PTPN9: variants seen among roughly 807,000 people sequenced by gnomAD.
The protein encoded by PTPN9 is tyrosine-protein phosphatase non-receptor type 9.
PTPN9 carries 26 observed loss-of-function variants against 69.8 expected under a neutral mutation model. The ratio of observed to expected loss-of-function variants is 0.37; its 90% CI spans 0.27 to 0.52. PTPN9 has a LOEUF of 0.52. Among genes scored for constraint, PTPN9 ranks in the 20% least tolerant of loss-of-function variants. The pLI is 0.91. For synonymous variants in PTPN9, 274 were observed against 272.5 expected (o/e 1.01, Z -0.05); for missense variants, 549 against 740.3 (o/e 0.74, Z 3.00).
At chr15:75,479,812 G>A (rs2074617792) in intron 9 of PTPN9, 36 bp downstream of exon 9, 3 of 1,521,390 alleles carry the variant, frequency 2.0e-6, no homozygotes, top group Non-Finnish European at 2.7e-6. Context: ...TAAGTAGATG[G>A]CACAAAATCA....
intron 1 of PTPN9, among the ~76,000 whole-genome samples, chr15:75,551,911 G>A (rs573546062): frequency 3.3e-5 from 5 of 151,904 alleles, no homozygotes; most frequent in African/African-American, 7.2e-5. Context: ...GGTGGTGCAC[G>A]CCTGTAGTCC....
At chr15:75,507,424 C>T (rs936544812) in intron 6 of PTPN9, among the ~76,000 whole-genome samples, 50 of 130,084 alleles carry the variant, frequency 3.8e-4, no homozygotes, top group African/African-American at 1.4e-3. Context: ...CTAGCCTCAG[C>T]GACAACAGCA....
At chr15:75,496,707 A>G (rs1595952594) in intron 7 of PTPN9, among the ~76,000 whole-genome samples, 1 of 151,900 alleles carries the variant, frequency 6.6e-6, no homozygotes, top group Non-Finnish European at 1.5e-5. Flanking sequence ...CTGTCTCTAC[A>G]TGTTGCTCAG....
chr15:75,535,352 A>G (rs951781289), intron 1 of PTPN9, among the ~76,000 whole-genome samples: 4 of 152,188 alleles, frequency 2.6e-5, no homozygotes, highest in African/African-American at 4.8e-5. Context: ...CTCTGTGGCT[A>G]TAAAGAAAAA....
intron 7 of PTPN9, among the ~76,000 whole-genome samples, chr15:75,491,092 G>A (rs1338604085): frequency 6.6e-6 from 1 of 151,104 alleles, no homozygotes; most frequent in Non-Finnish European, 1.5e-5. Flanking sequence ...CTGGGTGACG[G>A]AGAGAAACCC....
chr15:75,497,674 C>T (rs890287750), intron 7 of PTPN9, among the ~76,000 whole-genome samples: 15 of 150,982 alleles, frequency 9.9e-5, no homozygotes, highest in African/African-American at 3.2e-4. Context: ...TGGTAGCGGG[C>T]ACCTGTAATC....
At chr15:75,480,682 G>C in intron 8 of PTPN9, 1 of 1,272,808 alleles carries the variant, frequency 7.9e-7, no homozygotes, top group Non-Finnish European at 1.0e-6. Flanking sequence ...CCGCTGCCGC[G>C]ACCGACCGCA....
At chr15:75,470,889 G>A (rs566146712) in intron 10 of PTPN9, 59 bp from the exon 11 acceptor site, 4 of 1,576,646 alleles carry the variant, frequency 2.5e-6, no homozygotes, top group Admixed American at 3.7e-5. Context: ...CAGTAACCTG[G>A]CTTCCCCAAA....
intron 9 of PTPN9, among the ~76,000 whole-genome samples, chr15:75,475,450 G>C (rs916835028): frequency 6.6e-6 from 1 of 152,090 alleles, no homozygotes; most frequent in African/African-American, 2.4e-5. Context: ...ACGATGGCAG[G>C]TGCCTGTAAT....
In PTPN9 at chr15:75,546,363, G is replaced by A. The variant is rs55807501; in HGVS notation, c.64-19102C>T. Among the ~76,000 whole-genome samples the A allele has an allele frequency of 1.4e-3, 220 of 152,258 alleles. 1 individual carries two copies. Among genetic ancestry groups the A allele is most frequent in the Non-Finnish European group, 1.2e-3 (84 of 68,024 alleles). On this transcript the variant is annotated intron_variant, in intron 1 of 12. Transcript: ENST00000618819. ...TGGTGTATAGAAATAGGGAACTTCA[G>A]CCAGGCGCAGTGCCTCACGCCTGTA...
chr15:75,478,807 C>T (rs2074611573), intron 9 of PTPN9, among the ~76,000 whole-genome samples: 1 of 152,216 alleles, frequency 6.6e-6, no homozygotes, highest in Admixed American at 6.5e-5. Flanking sequence ...ACTGGTGATA[C>T]TAAGTTTGAT....
chr15:75,485,838 C>T (rs1425413428), intron 8 of PTPN9, among the ~76,000 whole-genome samples: 1 of 151,124 alleles, frequency 6.6e-6, no homozygotes, highest in Non-Finnish European at 1.5e-5. Flanking sequence ...CAGTGGCTCA[C>T]GCCTGTAATC....
At chr15:75,546,291 T>C (rs1220500394) in intron 1 of PTPN9, among the ~76,000 whole-genome samples, 1 of 151,758 alleles carries the variant, frequency 6.6e-6, no homozygotes, top group Non-Finnish European at 1.5e-5. Context: ...TAACAGAAAA[T>C]ATAGATTGTT....
chr15:75,525,684 G>A (rs909165628), intron 2 of PTPN9, among the ~76,000 whole-genome samples: 5 of 151,562 alleles, frequency 3.3e-5, no homozygotes, highest in Non-Finnish European at 5.9e-5. Flanking sequence ...TTGGGAGGCC[G>A]AGGTGCGTGG....
chr15:75,538,782 TAGTA>T (rs1385749709), intron 1 of PTPN9, among the ~76,000 whole-genome samples: 3 of 152,144 alleles, frequency 2.0e-5, no homozygotes, highest in African/African-American at 7.2e-5. Context: ...ATATGACTAT[TAGTA>T]AGCAAAAAGT....
chr15:75,486,031 T>C (rs1461219421), intron 8 of PTPN9, among the ~76,000 whole-genome samples: 1 of 130,492 alleles, frequency 7.7e-6, no homozygotes, highest in Admixed American at 8.9e-5. Context: ...ACCCGGGAGG[T>C]GGAGGTTGCA....
chr15:75,505,662 T>A lies in PTPN9; in HGVS notation c.968+13A>T. 3.1e-6 allele frequency: 5 copies of A among 1,602,206 alleles called. No individual in the cohort carries two copies. Among genetic ancestry groups the A allele is most frequent in the Non-Finnish European group, 4.3e-6 (5 of 1,172,310 alleles). On this transcript the variant is annotated intron_variant, in intron 7 of 12. Coordinates refer to ENST00000618819, the MANE Select transcript of PTPN9 (RefSeq NM_002833.4). ...CTGGTAACCAGCTGCTGGCCCAAAC[T>A]TTTTCTACTTACATGGAACAGTGGA...
chr15:75,527,170 A>G lies in PTPN9; in HGVS notation c.155T>C (p.Met52Thr), dbSNP rs768801786. 6.8e-6 allele frequency: 11 copies of G among 1,614,082 alleles called. No homozygotes were observed. Among genetic ancestry groups the G allele is most frequent in the Admixed American group, 6.7e-5 (4 of 59,982 alleles). The change falls in exon 2 of 13, where the codon ATG becomes ACG. Residue 52 changes from methionine to threonine, a missense_variant. Physicochemically the swap from Met to Thr is moderately conservative, Grantham distance 81. This residue lies in a region of PTPN9 where 457 missense variants were observed against 661.9 expected (regional missense o/e 0.69). Transcript: ENST00000618819. ...LSWNVAVKFLMARKFDVLRAI... is the reference protein window; with the variant it reads ...LSWNVAVKFLTARKFDVLRAI... The stretch of plus-strand genomic sequence containing the variant: ...ACGGAGCACATCAAACTTCCTTGCC[A>G]TGAGGAACTTGACAGCCACATTCCA...
chr15:75,518,595 A>T (rs2074884604), intron 4 of PTPN9, among the ~76,000 whole-genome samples: 1 of 152,100 alleles, frequency 6.6e-6, no homozygotes, highest in African/African-American at 2.4e-5. Context: ...AAGCAGGTGG[A>T]TCACCTGAGG....
Sources: allele counts gnomAD v4.1 joint callset (sites outside exome capture counted in the v4.1 genomes callset), GRCh38; gene constraint gnomAD v4.1.1; regional missense constraint gnomAD v4.1.1; transcripts MANE v1.5; gene names NCBI Gene and HGNC (gene_info 2026-07-23, HGNC 2026-07-21).